The following HIVEP2 variants were observed in gnomAD, a reference collection of about 807,000 sequenced individuals.
The protein encoded by HIVEP2 is transcription factor HIVEP2.
HIVEP2 carries 14 observed loss-of-function variants against 180.7 expected under a neutral mutation model. That is an observed-to-expected ratio of 0.08 (90% confidence interval 0.05 to 0.12). HIVEP2 has a LOEUF of 0.12. Ranked by LOEUF, HIVEP2 falls within the 10% of genes least tolerant of loss-of-function variation. The probability of loss-of-function intolerance (pLI) is 1.00; values close to 1 mark genes in which losing one functional copy is unlikely to be tolerated. For synonymous variants in HIVEP2, 1,184 were observed against 1,136.4 expected, an observed-to-expected ratio of 1.04 and a Z score of -0.84; for missense variants, 2,579 against 3,008.5, an observed-to-expected ratio of 0.86 and a Z score of 3.34.
chr6:142,921,762 G>C (rs1777688169), intron 1 of HIVEP2, among the ~76,000 whole-genome samples: 1 of 152,174 alleles, frequency 6.6e-6, no homozygotes, highest in Non-Finnish European at 1.5e-5. Context: ...AAAAAGGATT[G>C]TCAAACTTCT....
chr6:142,919,808 T>C (rs1441158794), intron 1 of HIVEP2, among the ~76,000 whole-genome samples: 1 of 152,224 alleles, frequency 6.6e-6, no homozygotes, highest in African/African-American at 2.4e-5. Flanking sequence ...CTTTCACATT[T>C]AGTGTGCTAT....
intron 9 of HIVEP2, among the ~76,000 whole-genome samples, chr6:142,754,145 A>T (rs976434432): frequency 1.3e-5 from 2 of 152,156 alleles, no homozygotes; most frequent in African/African-American, 4.8e-5. Flanking sequence ...GCCTGTGAAA[A>T]GTTGCTTTTG....
At chr6:142,817,304 A>G (rs1425258634) in intron 2 of HIVEP2, among the ~76,000 whole-genome samples, 1 of 152,206 alleles carries the variant, frequency 6.6e-6, no homozygotes, top group South Asian at 2.1e-4. Context: ...GCTAGAAAAA[A>G]CACACTTTCA....
chr6:142,834,398 A>T (rs1362696668), intron 2 of HIVEP2, among the ~76,000 whole-genome samples: 1 of 152,180 alleles, frequency 6.6e-6, no homozygotes, highest in African/African-American at 2.4e-5. Context: ...TCAGCAAATT[A>T]ATTACTGCTC....
chr6:142,837,373 G>A (rs1314945811), intron 1 of HIVEP2, among the ~76,000 whole-genome samples: 4 of 152,002 alleles, frequency 2.6e-5, no homozygotes, highest in Non-Finnish European at 5.9e-5. Flanking sequence ...GGGGGAAAAT[G>A]CAATTTATTG....
At chr6:142,768,016 G>T (rs1582838043) in intron 6 of HIVEP2, among the ~76,000 whole-genome samples, 1 of 152,254 alleles carries the variant, frequency 6.6e-6, no homozygotes, top group African/African-American at 2.4e-5. Context: ...TCTGATTTTT[G>T]TAAGCATACA....
chr6:142,772,809 G>T lies in HIVEP2; in HGVS notation c.1930C>A (p.Pro644Thr), dbSNP rs777833329. ...TCAGAGTCCTCCCACTTCTTATAGG[G>T]TTTCCGACAGACATCATAGTCATAC... ...VGYDYDVCRK[P>T]YKKWEDSETP... The change falls in exon 5 of 10, where the codon CCC becomes ACC. Residue 644 changes from proline to threonine, a missense_variant. Physicochemically the swap from Pro to Thr is conservative, Grantham distance 38. Coordinates refer to ENST00000367603, the MANE Select transcript of HIVEP2 (RefSeq NM_006734.4). The surrounding 1 kb of genome is among the most constrained non-coding windows in gnomAD (Gnocchi z 4.9). The T allele has an allele frequency of 6.2e-7, 1 of 1,614,160 alleles. No homozygotes were observed. Among genetic ancestry groups the T allele is most frequent in the East Asian group, 2.2e-5 (1 of 44,884 alleles).
chr6:142,910,849 C>T (rs1457452810), intron 1 of HIVEP2, among the ~76,000 whole-genome samples: 1 of 152,160 alleles, frequency 6.6e-6, no homozygotes, highest in Admixed American at 6.5e-5. Flanking sequence ...GAATCACATG[C>T]GTAGAGCATG....
In HIVEP2 at chr6:142,771,159, C is replaced by T; in HGVS notation, c.3580G>A (p.Glu1194Lys). ...PEQPHLFPHQ[E>K]TIPFSPIQNA... ...TGGATTGGAGAAAATGGAATTGTCTCTTGATGTGGAAATAAGTGTGGCTGT... is the reference window on the plus strand; with the variant it reads ...TGGATTGGAGAAAATGGAATTGTCTTTTGATGTGGAAATAAGTGTGGCTGT... The change falls in exon 5 of 10, where the codon GAG (glutamate) becomes AAG (lysine). Residue 1194 changes from glutamate (E) to lysine (K), a missense_variant. This residue lies in a region of HIVEP2 where 523 missense variants were observed against 577.0 expected (regional missense o/e 0.91). Coordinates refer to ENST00000367603, the MANE Select transcript of HIVEP2 (RefSeq NM_006734.4). This position sits in a 1 kb window ranked among gnomAD's most constrained non-coding sequence, Gnocchi z 5.4. 6.2e-7 allele frequency: 1 copy of T among 1,614,196 alleles called. No homozygotes were observed. Among genetic ancestry groups the T allele is most frequent in the Non-Finnish European group, 8.5e-7 (1 of 1,180,042 alleles).
At chr6:142,902,182 A>C (rs938877515) in intron 1 of HIVEP2, among the ~76,000 whole-genome samples, 1 of 152,196 alleles carries the variant, frequency 6.6e-6, no homozygotes, top group African/African-American at 2.4e-5. Flanking sequence ...AAAAGCAGTA[A>C]CTTTACAATG....
In HIVEP2 at chr6:142,774,331, C is replaced by T; in HGVS notation, c.408G>A (p.Glu136=). 6.2e-7 allele frequency: 1 copy of T among 1,614,164 alleles called. No homozygotes were observed. Residue 136 remains glutamate (E), a synonymous_variant, in exon 5 of 10, where the codon GAG becomes GAA. Transcript: ENST00000367603. The surrounding 1 kb of genome is among the most constrained non-coding windows in gnomAD (Gnocchi z 5.1). ...CATGTATAGGAAAAGGAAATAAGTC[C>T]TCAGAGGCAACGGATGGCAAAGGGC... The part of the protein sequence containing the change: ...FPGPLPSVAS[E]DLFPFPIHGH...
At chr6:142,928,855 C>T (rs1316679806) in intron 1 of HIVEP2, among the ~76,000 whole-genome samples, 1 of 152,188 alleles carries the variant, frequency 6.6e-6, no homozygotes, top group Non-Finnish European at 1.5e-5. Flanking sequence ...TTCTTTACTT[C>T]CCAGTGGCCA....
intron 1 of HIVEP2, among the ~76,000 whole-genome samples, chr6:142,907,840 A>T (rs1777306523): frequency 6.6e-6 from 1 of 152,228 alleles, no homozygotes; most frequent in Non-Finnish European, 1.5e-5. Flanking sequence ...TTAAAGGAGC[A>T]GAACCACTTT....
intron 6 of HIVEP2, among the ~76,000 whole-genome samples, chr6:142,766,353 CT>C (rs899863059): frequency 9.2e-5 from 14 of 152,096 alleles, no homozygotes; most frequent in African/African-American, 3.4e-4. Flanking sequence ...GGAATTTTGA[CT>C]TCCACTTGTT....
At chr6:142,867,879 G>T (rs1423269792) in intron 1 of HIVEP2, among the ~76,000 whole-genome samples, 2 of 152,142 alleles carry the variant, frequency 1.3e-5, no homozygotes, top group African/African-American at 4.8e-5. Context: ...GAAACGTTGT[G>T]CTAGAATAGG....
chr6:142,940,888 C>CA (rs1778161004), intron 1 of HIVEP2, among the ~76,000 whole-genome samples: 1 of 152,084 alleles, frequency 6.6e-6, no homozygotes. Flanking sequence ...CAGGTGAGAC[C>CA]CCCTCTGCTT....
At chr6:142,878,429 A>T (rs1425070195) in intron 1 of HIVEP2, among the ~76,000 whole-genome samples, 1 of 152,212 alleles carries the variant, frequency 6.6e-6, no homozygotes, top group Non-Finnish European at 1.5e-5. Flanking sequence ...TGAAACAAGT[A>T]TTCAGACCTA....
intron 2 of HIVEP2, among the ~76,000 whole-genome samples, chr6:142,813,835 G>GGATTACA (rs1268731647): frequency 1.3e-5 from 2 of 151,720 alleles, no homozygotes; most frequent in African/African-American, 2.4e-5. Flanking sequence ...CAAAGTGCTG[G>GGATTACA]GATTACAGGC....
At chr6:142,935,983 C>T (rs186497738) in intron 1 of HIVEP2, among the ~76,000 whole-genome samples, 2 of 151,804 alleles carry the variant, frequency 1.3e-5, no homozygotes, top group Admixed American at 1.3e-4. Flanking sequence ...CATGGTGGTG[C>T]CAGCCTGCAG....
Sources: allele counts gnomAD v4.1 joint callset (sites outside exome capture counted in the v4.1 genomes callset), GRCh38; gene constraint gnomAD v4.1.1; regional missense constraint gnomAD v4.1.1; non-coding constraint Gnocchi (gnomAD v3.1); transcripts MANE v1.5; gene names NCBI Gene and HGNC (gene_info 2026-07-23, HGNC 2026-07-21).